Variants in SLC24A2 observed in about 807,000 individuals in gnomAD.
The protein encoded by SLC24A2 is sodium/potassium/calcium exchanger 2.
SLC24A2 carries 36 observed loss-of-function variants against 62.0 expected under a neutral mutation model. The ratio of observed to expected loss-of-function variants is 0.58; its 90% CI spans 0.44 to 0.77. SLC24A2 has a LOEUF of 0.77. SLC24A2 is among the 30% of genes least tolerant of loss of function. SLC24A2 has a pLI of 0.00. For synonymous variants in SLC24A2, 358 were observed against 294.0 expected, an observed-to-expected ratio of 1.22 and a Z score of -2.23; for missense variants, 846 against 817.9, an observed-to-expected ratio of 1.03 and a Z score of -0.42.
chr9:20,004,699 TGGCA>T, the SLC24A2 span, among the ~76,000 whole-genome samples: 1 of 152,236 alleles, frequency 6.6e-6, no homozygotes, highest in Non-Finnish European at 1.5e-5. Context: ...TATGTGTTCA[TGGCA>T]ATATGATATA....
At chr9:20,180,612 T>C in the SLC24A2 span, among the ~76,000 whole-genome samples, 11 of 152,082 alleles carry the variant, frequency 7.2e-5, no homozygotes, top group Non-Finnish European at 1.3e-4. Context: ...GGCTGAATGA[T>C]CACATTTAGA....
chr9:20,274,613 T>C, the SLC24A2 span, among the ~76,000 whole-genome samples: 1 of 152,128 alleles, frequency 6.6e-6, no homozygotes, highest in Non-Finnish European at 1.5e-5. Flanking sequence ...GGCTCTAGTC[T>C]AACACTATGA....
intron 2 of SLC24A2, among the ~76,000 whole-genome samples, chr9:19,649,818 T>C (rs1160928409): frequency 6.6e-6 from 1 of 152,224 alleles, no homozygotes; most frequent in African/African-American, 2.4e-5. Flanking sequence ...TTATCTTGGA[T>C]CTAACTCCAA....
chr9:19,639,938 G>A (rs1354798288), intron 2 of SLC24A2, among the ~76,000 whole-genome samples: 3 of 152,206 alleles, frequency 2.0e-5, no homozygotes, highest in Non-Finnish European at 4.4e-5. Flanking sequence ...TATTTATTCT[G>A]TTAATCAAGC....
chr9:19,785,826 T>C (rs1823147300), intron 2 of SLC24A2, 111 bp downstream of exon 2: 2 of 1,397,088 alleles, frequency 1.4e-6, no homozygotes, highest in Admixed American at 1.8e-5. Context: ...CAATCTGCTA[T>C]CCACAAGAGC....
the SLC24A2 span, among the ~76,000 whole-genome samples, chr9:19,837,048 C>A: frequency 6.6e-6 from 1 of 152,114 alleles, no homozygotes; most frequent in Non-Finnish European, 1.5e-5. Context: ...TAAAAACTCT[C>A]AAAAAATTAG....
the SLC24A2 span, among the ~76,000 whole-genome samples, chr9:19,907,541 C>A: frequency 6.6e-6 from 1 of 152,154 alleles, no homozygotes; most frequent in Non-Finnish European, 1.5e-5. Context: ...CAAATTGTCC[C>A]TGTTTGCAGA....
rs192801444 is a variant in SLC24A2 at position 19,704,462 on chromosome 9, G to C, written c.930+81475C>G. Among the ~76,000 whole-genome samples the C allele has an allele frequency of 8.0e-4, 122 of 152,190 alleles. 1 individual carries two copies. The highest frequency in any genetic ancestry group is 3.4e-3 in the Middle Eastern group (1 of 292). ...GAATACATATTAAAATACCAACAGTGGTGGAATTACTGGAAATTATTTAAA... is the reference window on the plus strand; with the variant it reads ...GAATACATATTAAAATACCAACAGTCGTGGAATTACTGGAAATTATTTAAA... On this transcript the variant is annotated intron_variant, in intron 2 of 10. Coordinates refer to ENST00000341998, the MANE Select transcript of SLC24A2 (RefSeq NM_020344.4).
chr9:19,792,588 A>T (rs1823331953), upstream of SLC24A2, among the ~76,000 whole-genome samples: 1 of 150,986 alleles, frequency 6.6e-6, no homozygotes, highest in Admixed American at 6.6e-5. Flanking sequence ...GGTGCCTGTA[A>T]TCCCAGCTAC....
the SLC24A2 span, among the ~76,000 whole-genome samples, chr9:19,924,155 T>C: frequency 1.3e-5 from 2 of 152,220 alleles, no homozygotes; most frequent in Non-Finnish European, 2.9e-5. Flanking sequence ...TTAAGGAACA[T>C]GGATATATAC....
the SLC24A2 span, among the ~76,000 whole-genome samples, chr9:20,004,177 G>T: frequency 6.6e-6 from 1 of 152,172 alleles, no homozygotes; most frequent in Non-Finnish European, 1.5e-5. Context: ...TAGATGATAA[G>T]GGAGCATGGG....
chr9:19,776,308 A>G (rs1308565395), intron 2 of SLC24A2, among the ~76,000 whole-genome samples: 1 of 152,246 alleles, frequency 6.6e-6, no homozygotes, highest in Admixed American at 6.5e-5. Context: ...TTCAAACGCC[A>G]TTTAAATATC....
At chr9:19,676,576 T>C (rs770360599) in intron 2 of SLC24A2, among the ~76,000 whole-genome samples, 5 of 152,162 alleles carry the variant, frequency 3.3e-5, no homozygotes, top group Non-Finnish European at 7.3e-5. Flanking sequence ...GTGTATCTTA[T>C]ATGGTAGGAG....
chr9:19,766,957 T>C (rs1216349972), intron 2 of SLC24A2, among the ~76,000 whole-genome samples: 1 of 152,218 alleles, frequency 6.6e-6, no homozygotes, highest in African/African-American at 2.4e-5. Flanking sequence ...AGTCCCTGAC[T>C]GAGGCTGCTA....
the SLC24A2 span, among the ~76,000 whole-genome samples, chr9:19,801,876 A>G: frequency 1.2e-3 from 180 of 152,290 alleles, no homozygotes; most frequent in African/African-American, 3.8e-3. Context: ...TTAGTTTTCT[A>G]TAAACCAAGA....
chr9:20,234,346 C>T, the SLC24A2 span, among the ~76,000 whole-genome samples: 8 of 152,186 alleles, frequency 5.3e-5, no homozygotes, highest in African/African-American at 9.6e-5. Context: ...CCATTCTCCC[C>T]GTCACTTTCA....
At chr9:20,148,107 A>C in the SLC24A2 span, among the ~76,000 whole-genome samples, 2 of 152,156 alleles carry the variant, frequency 1.3e-5, no homozygotes, top group Admixed American at 1.3e-4. Context: ...GGATTTCAAA[A>C]GTTCTGCCTG....
chr9:20,019,312 A>AAAGAAAGAAAGAAAGAAAGT, the SLC24A2 span, among the ~76,000 whole-genome samples: 3 of 141,550 alleles, frequency 2.1e-5, no homozygotes, highest in South Asian at 2.1e-4. Flanking sequence ...AGAAAGAAAG[A>AAAGAAAGAAAGAAAGAAAGT]AAGTGAGTGA....
chr9:20,039,834 G>T, the SLC24A2 span, among the ~76,000 whole-genome samples: 2,044 of 152,208 alleles, frequency 0.013, 36 homozygotes, highest in African/African-American at 0.045. Context: ...AAGGACCAAG[G>T]ATACCAGATA....
Sources: allele counts gnomAD v4.1 joint callset (sites outside exome capture counted in the v4.1 genomes callset), GRCh38; gene constraint gnomAD v4.1.1; transcripts MANE v1.5; gene names NCBI Gene and HGNC (gene_info 2026-07-23, HGNC 2026-07-21).